TUBB4A: variants seen among roughly 807,000 people sequenced by gnomAD.
TUBB4A encodes the protein tubulin beta 4A class IVa, also known as tubulin beta-4A chain.
In TUBB4A, 13 loss-of-function variants were observed where a neutral mutation model predicts 35.1. The ratio of observed to expected loss-of-function variants is 0.37; its 90% CI spans 0.24 to 0.59. The LOEUF (loss-of-function observed/expected upper bound fraction) is 0.59, where lower values mean the gene tolerates loss of function less well. Among genes scored for constraint, TUBB4A ranks in the 20% least tolerant of loss-of-function variants. TUBB4A has a pLI of 0.71. For synonymous variants in TUBB4A, 279 were observed against 272.4 expected (o/e 1.02, Z -0.24); for missense variants, 299 against 647.2 (o/e 0.46, Z 5.84).
chr19:6,494,638 A>AT lies in TUBB4A; in HGVS notation c.*525dup. The AT allele has an allele frequency of 1.8e-5, 3 of 171,064 alleles. No individual in the cohort carries two copies. Among genetic ancestry groups the AT allele is most frequent in the South Asian group, 1.3e-4 (1 of 7,516 alleles). 10.6% of individuals were successfully genotyped at this position (171,064 alleles called of 1,614,324 possible). On this transcript the variant is annotated 3_prime_UTR_variant, in exon 4 of 4. Coordinates refer to ENST00000264071, the MANE Select transcript of TUBB4A (RefSeq NM_006087.4). ...CAGGTGTAGAAGTAAAATGGGACTC[A>AT]TAGAGGGTGAAAGAGAAGTTGGAGT... is the stretch of plus-strand genomic sequence containing the variant.
chr19:6,498,884 T>C (rs1914398946), intron 3 of TUBB4A, among the ~76,000 whole-genome samples: 1 of 152,204 alleles, frequency 6.6e-6, no homozygotes, highest in African/African-American at 2.4e-5. Context: ...TGGCCCATCA[T>C]AGGTCCTTGG....
intron 1 of TUBB4A, 61 bp downstream of exon 1, chr19:6,502,095 A>G (rs1914559812): frequency 1.4e-5 from 21 of 1,495,868 alleles, no homozygotes; most frequent in African/African-American, 7.2e-5. Flanking sequence ...TGCTCCGGGG[A>G]CCGACCCCGC....
In TUBB4A at chr19:6,496,236, G is replaced by A. The variant is rs764502394; in HGVS notation, c.278-15C>T. 1.3e-6 allele frequency: 2 copies of A among 1,595,274 alleles called. No individual in the cohort carries two copies. Among genetic ancestry groups the A allele is most frequent in the South Asian group, 1.1e-5 (1 of 88,552 alleles). On this transcript the variant is annotated splice_polypyrimidine_tract_variant and intron_variant, in intron 3 of 3. Transcript: ENST00000264071. Reference sequence around the variant, plus strand: ...TCCGGATTGGCCTAGAGAGGGAAGGGGAGGGGACACACATGCAGTTATGGG... The same window carrying A: ...TCCGGATTGGCCTAGAGAGGGAAGGAGAGGGGACACACATGCAGTTATGGG...
intron 3 of TUBB4A, among the ~76,000 whole-genome samples, chr19:6,498,461 C>T (rs896193889): frequency 6.6e-6 from 1 of 152,120 alleles, no homozygotes; most frequent in Non-Finnish European, 1.5e-5. Flanking sequence ...TGCCTACAGC[C>T]CTCCATGGCT....
At chr19:6,497,065 A>ATATC (rs1459273180) in intron 3 of TUBB4A, among the ~76,000 whole-genome samples, 1 of 102,372 alleles carries the variant, frequency 9.8e-6, no homozygotes, top group Non-Finnish European at 1.9e-5. Flanking sequence ...ATATATATAT[A>ATATC]AATTAGCCAG....
Position 6,495,236 on chromosome 19 carries a change from C to T in TUBB4A, c.1263G>A (p.Glu421=), listed in dbSNP as rs751788731. 2 of 1,613,914 alleles carry T rather than the reference C, an allele frequency of 1.2e-6. No homozygotes were observed. Among genetic ancestry groups the T allele is most frequent in the Non-Finnish European group, 1.7e-6 (2 of 1,179,878 alleles). ...AESNMNDLVS[E]YQQYQDATAE... ...CCGTGGCGTCCTGGTACTGCTGGTACTCAGATACCAGGTCATTCATGTTGC... is the reference window on the plus strand; with the variant it reads ...CCGTGGCGTCCTGGTACTGCTGGTATTCAGATACCAGGTCATTCATGTTGC... The change falls in exon 4 of 4, where the codon GAG becomes GAA. Residue 421 remains glutamate (E), a synonymous_variant. Transcript: ENST00000264071. The surrounding 1 kb of genome is among the most constrained non-coding windows in gnomAD (Gnocchi z 8.7).
In TUBB4A at chr19:6,495,176, C is replaced by T. The variant is rs1262997171; in HGVS notation, c.1323G>A (p.Glu441=). ...EEGEFEEEAE[E]EVA is the part of the protein sequence containing the mutation. The stretch of plus-strand genomic sequence containing the variant: ...CGATGGGAGCAGCCTAGGCCACCTC[C>T]TCCTCCGCCTCCTCCTCGAACTCGC... Residue 441 remains glutamate, a synonymous_variant, in exon 4 of 4, where the codon GAG becomes GAA. Coordinates refer to ENST00000264071, the MANE Select transcript of TUBB4A (RefSeq NM_006087.4). The surrounding 1 kb of genome is among the most constrained non-coding windows in gnomAD (Gnocchi z 8.7). The T allele has an allele frequency of 3.7e-6, 6 of 1,613,838 alleles. No individual in the cohort carries two copies. The highest frequency in any genetic ancestry group is 5.1e-6 in the Non-Finnish European group (6 of 1,179,840).
Position 6,501,481 on chromosome 19 carries a change from C to G in TUBB4A, c.166+34G>C. 6.2e-7 allele frequency: 1 copy of G among 1,607,824 alleles called. No individual in the cohort carries two copies. The highest frequency in any genetic ancestry group is 1.1e-5 in the South Asian group (1 of 90,720). ...AGCATCCTGTTCCCTCCCAGCTGCCCCTTCCCACCTGGAAGGTGCCTCCTT... is the reference window on the plus strand; with the variant it reads ...AGCATCCTGTTCCCTCCCAGCTGCCGCTTCCCACCTGGAAGGTGCCTCCTT... On this transcript the variant is annotated intron_variant, in intron 2 of 3. Coordinates refer to ENST00000264071, the MANE Select transcript of TUBB4A (RefSeq NM_006087.4). This position sits in a 1 kb window ranked among gnomAD's most constrained non-coding sequence, Gnocchi z 4.2.
In TUBB4A at chr19:6,501,587, G is replaced by A; in HGVS notation, c.94C>T (p.Pro32Ser). The change falls in exon 2 of 4, where the codon CCC (proline) becomes TCC (serine). Residue 32 changes from proline (P) to serine (S), a missense_variant. This residue lies in a region of TUBB4A where 123 missense variants were observed against 226.0 expected (regional missense o/e 0.54). Coordinates refer to ENST00000264071, the MANE Select transcript of TUBB4A (RefSeq NM_006087.4). This position sits in a 1 kb window ranked among gnomAD's most constrained non-coding sequence, Gnocchi z 4.2. ...CTGTCCCCATGGTATGTGCCTGTGG[G>A]GTCGATGCCATGTTCGTCACTGATA... Reference protein sequence around the residue: ...EVISDEHGIDPTGTYHGDSDL... With the variant: ...EVISDEHGIDSTGTYHGDSDL... 6.2e-7 allele frequency: 1 copy of A among 1,614,106 alleles called. No individual in the cohort carries two copies. Among genetic ancestry groups the A allele is most frequent in the Non-Finnish European group, 8.5e-7 (1 of 1,179,986 alleles).
rs1409880899 is a variant in TUBB4A at position 6,496,247 on chromosome 19, A to G, written c.278-26T>C. 5 of 1,584,858 alleles carry G rather than the reference A, an allele frequency of 3.2e-6. No homozygotes were observed. The South Asian group carries it at 5.8e-5, about 18-fold the overall frequency. ...CTAGAGAGGGAAGGGGAGGGGACAC[A>G]CATGCAGTTATGGGGAGCCCCAACC... On this transcript the variant is annotated intron_variant, in intron 3 of 3. Coordinates refer to ENST00000264071, the MANE Select transcript of TUBB4A (RefSeq NM_006087.4).
Position 6,495,311 on chromosome 19 carries a change from G to A in TUBB4A, c.1188C>T (p.His396=). The change falls in exon 4 of 4, where the codon CAC becomes CAT. Residue 396 remains histidine (H), a synonymous_variant. Transcript: ENST00000264071. The surrounding 1 kb of genome is among the most constrained non-coding windows in gnomAD (Gnocchi z 8.7). ...CGTCCATGCCCTCGCCCGTGTACCA[G>A]TGCAAGAAGGCCTTGCGCCGGAACA... ...TAMFRRKAFL[H]WYTGEGMDEM... 1.9e-6 allele frequency: 3 copies of A among 1,613,796 alleles called. No homozygotes were observed. Among genetic ancestry groups the A allele is most frequent in the Non-Finnish European group, 2.5e-6 (3 of 1,179,920 alleles).
In TUBB4A at chr19:6,501,267, C is replaced by G; in HGVS notation, c.277+20G>C. On this transcript the variant is annotated intron_variant, in intron 3 of 3. Transcript: ENST00000264071. This position sits in a 1 kb window ranked among gnomAD's most constrained non-coding sequence, Gnocchi z 4.2. ...AATAAGGAGGTTTTCCAGCCTCTGGCTCCCTGCTGGGGGACTCACCAAACA... is the reference window on the plus strand; with the variant it reads ...AATAAGGAGGTTTTCCAGCCTCTGGGTCCCTGCTGGGGGACTCACCAAACA... 6.2e-7 allele frequency: 1 copy of G among 1,605,252 alleles called. No individual in the cohort carries two copies. Among genetic ancestry groups the G allele is most frequent in the Non-Finnish European group, 8.5e-7 (1 of 1,174,046 alleles).
intron 3 of TUBB4A, among the ~76,000 whole-genome samples, chr19:6,497,146 G>C (rs1342585104): frequency 2.8e-5 from 4 of 145,392 alleles, no homozygotes; most frequent in Admixed American, 7.1e-5. Flanking sequence ...GAGCCCAGGA[G>C]TTGGAGGCTG....
At chr19:6,499,855 T>C (rs1338531686) in intron 3 of TUBB4A, among the ~76,000 whole-genome samples, 3 of 151,806 alleles carry the variant, frequency 2.0e-5, no homozygotes, top group Non-Finnish European at 2.9e-5. Context: ...TGGGGTGCAG[T>C]GTCATGATCT....
chr19:6,496,381 G>A (rs1383443673), intron 3 of TUBB4A, 160 bp from the exon 4 acceptor site: 9 of 712,676 alleles, frequency 1.3e-5, no homozygotes, highest in Non-Finnish European at 1.8e-5. Context: ...TGTAATCCCA[G>A]CACTTTGGGA....
chr19:6,497,195 G>C (rs1278204206), intron 3 of TUBB4A, among the ~76,000 whole-genome samples: 2 of 148,896 alleles, frequency 1.3e-5, no homozygotes, highest in East Asian at 3.9e-4. Flanking sequence ...CTGGGAGACA[G>C]AGCAAGACCC....
At chr19:6,502,422 T>G, upstream of TUBB4A, 1 of 541,340 alleles carries the variant, frequency 1.8e-6, no homozygotes, top group Non-Finnish European at 3.1e-6. Flanking sequence ...GGGGCTGGGG[T>G]GGGGGGAGGT....
rs373302095 is a variant in TUBB4A, at chr19:6,495,556, C to A, written c.943G>T (p.Ala315Ser). Reference protein sequence around the residue: ...PRHGRYLTVAAVFRGRMSMKE... With the variant: ...PRHGRYLTVASVFRGRMSMKE... ...ATGGACATGCGGCCCCGGAACACGG[C>A]GGCCACGGTCAGGTAGCGGCCGTGG... The change falls in exon 4 of 4, where the codon GCC becomes TCC. Residue 315 changes from alanine (A) to serine (S), a missense_variant. By Grantham distance (99) the Ala-to-Ser change is moderately conservative (BLOSUM62 1). This residue lies in a region of TUBB4A where 125 missense variants were observed against 279.1 expected (regional missense o/e 0.45). Coordinates refer to ENST00000264071, the MANE Select transcript of TUBB4A (RefSeq NM_006087.4). This position sits in a 1 kb window ranked among gnomAD's most constrained non-coding sequence, Gnocchi z 8.7. 6.2e-7 allele frequency: 1 copy of A among 1,613,994 alleles called. No individual in the cohort carries two copies. The highest frequency in any genetic ancestry group is 1.3e-5 in the African/African-American group (1 of 74,938).
chr19:6,500,810 C>T (rs1180077816), intron 3 of TUBB4A: 1 of 153,730 alleles, frequency 6.5e-6, no homozygotes, highest in East Asian at 1.9e-4. Flanking sequence ...CTAAGTTATC[C>T]ATCTGAATCA....
Sources: allele counts gnomAD v4.1 joint callset (sites outside exome capture counted in the v4.1 genomes callset), GRCh38; gene constraint gnomAD v4.1.1; regional missense constraint gnomAD v4.1.1; non-coding constraint Gnocchi (gnomAD v3.1); transcripts MANE v1.5; gene names NCBI Gene and HGNC (gene_info 2026-07-23, HGNC 2026-07-21).